Variants in CHCHD6 observed in about 807,000 individuals in gnomAD.
CHCHD6 encodes the protein MICOS complex subunit MIC25.
A neutral mutation model predicts 32.3 loss-of-function variants in CHCHD6; 28 were observed. That is an observed-to-expected ratio of 0.87 (90% CI 0.64 to 1.19). The LOEUF (loss-of-function observed/expected upper bound fraction) is 1.19. CHCHD6 is among the 50% of genes most tolerant of loss of function. The pLI is 0.00. For synonymous variants in CHCHD6, 122 were observed against 117.5 expected (o/e 1.04, Z -0.25); for missense variants, 333 against 307.0 (o/e 1.08, Z -0.63).
chr3:126,865,002 T>C (rs951209006), intron 5 of CHCHD6, among the ~76,000 whole-genome samples: 7 of 139,062 alleles, frequency 5.0e-5, no homozygotes, highest in Admixed American at 2.1e-4. Flanking sequence ...TCACCTTTTC[T>C]TCCTCCACCA....
chr3:126,860,498 T>C (rs922979149), intron 5 of CHCHD6, among the ~76,000 whole-genome samples: 1 of 152,010 alleles, frequency 6.6e-6, no homozygotes, highest in Non-Finnish European at 1.5e-5. Flanking sequence ...CTAACGTAAA[T>C]GATGAGTTAA....
At chr3:126,926,523 C>T (rs2078326718) in intron 6 of CHCHD6, among the ~76,000 whole-genome samples, 1 of 152,080 alleles carries the variant, frequency 6.6e-6, no homozygotes, top group Admixed American at 6.5e-5. Flanking sequence ...TGGACCAGGG[C>T]AGGCTGTGCA....
intron 4 of CHCHD6, among the ~76,000 whole-genome samples, chr3:126,750,501 T>C (rs1014941540): frequency 1.3e-5 from 2 of 152,140 alleles, no homozygotes; most frequent in African/African-American, 4.8e-5. Context: ...TGCTCCAGAG[T>C]TGGCGACTCC....
At chr3:126,745,878 TTG>T (rs1936479049) in intron 4 of CHCHD6, among the ~76,000 whole-genome samples, 1 of 152,238 alleles carries the variant, frequency 6.6e-6, no homozygotes, top group Admixed American at 6.5e-5. Context: ...GACCTTGGGC[TTG>T]TGAGGCTAAG....
At chr3:126,816,111 A>G (rs528015458) in intron 4 of CHCHD6, among the ~76,000 whole-genome samples, 1 of 151,542 alleles carries the variant, frequency 6.6e-6, no homozygotes, top group South Asian at 2.1e-4. Flanking sequence ...CCCCCTCTGC[A>G]TCTTCCTCCT....
chr3:126,767,263 C>G (rs1170700267), intron 4 of CHCHD6: 1 of 1,388,894 alleles, frequency 7.2e-7, no homozygotes, highest in Non-Finnish European at 1.0e-6. Context: ...TAGTGTCTGT[C>G]AGGTTGCCAA....
At chr3:126,753,263 C>T (rs142251251) in intron 4 of CHCHD6, among the ~76,000 whole-genome samples, 6 of 152,258 alleles carry the variant, frequency 3.9e-5, no homozygotes, top group African/African-American at 7.2e-5. Context: ...GGCAAGCAGC[C>T]GTTGCATGAA....
chr3:126,911,737 G>C (rs998809837), intron 5 of CHCHD6, among the ~76,000 whole-genome samples: 3 of 152,236 alleles, frequency 2.0e-5, no homozygotes, highest in Non-Finnish European at 4.4e-5. Flanking sequence ...ATTCACCGGG[G>C]CCAGGCTGTT....
intron 4 of CHCHD6, chr3:126,780,502 G>T: frequency 5.0e-6 from 1 of 200,860 alleles, no homozygotes; most frequent in Non-Finnish European, 1.0e-5. Flanking sequence ...AGTATTTTCT[G>T]TACTTTCTTT....
At chr3:126,957,687 A>G (rs1440205752) in intron 7 of CHCHD6, 136 bp downstream of exon 7, 1 of 1,106,462 alleles carries the variant, frequency 9.0e-7, no homozygotes, top group East Asian at 2.6e-5. Flanking sequence ...TGCATTTGCC[A>G]AGGGAGGGAT....
rs151331601 is a variant in CHCHD6, at chr3:126,821,443, G to T, written c.412-31204G>T. Among the ~76,000 whole-genome samples, 931 of 152,088 alleles carry T rather than the reference G, an allele frequency of 6.1e-3. 9 individuals are homozygous for T. The highest frequency in any genetic ancestry group is 0.021 in the African/African-American group (890 of 41,484). On this transcript the variant is annotated intron_variant, in intron 4 of 7. Transcript: ENST00000290913. ...CTCCCGAGTAGCTGGGATTACAGGT[G>T]CCCACCACCCCTGGCTAATTTTTTG...
rs148409894 is a variant in CHCHD6 at position 126,813,401 on chromosome 3, A to G, written c.412-39246A>G. ...AGGTACTTTGCTGTTTTAATAAAAT[A>G]TGAGATAAATGGTCACCTTACTTCA... is the stretch of plus-strand genomic sequence containing the variant. On this transcript the variant is annotated intron_variant, in intron 4 of 7. Coordinates refer to ENST00000290913, the MANE Select transcript of CHCHD6 (RefSeq NM_032343.3). Among the ~76,000 whole-genome samples, 86 of 152,354 alleles carry G rather than the reference A, an allele frequency of 5.6e-4. 1 individual carries two copies. Among genetic ancestry groups the G allele is most frequent in the African/African-American group, 2.0e-3 (85 of 41,572 alleles).
At chr3:126,826,693 A>G (rs1940408450) in intron 4 of CHCHD6, among the ~76,000 whole-genome samples, 1 of 152,106 alleles carries the variant, frequency 6.6e-6, no homozygotes, top group Non-Finnish European at 1.5e-5. Context: ...ATATATATCT[A>G]ATAATAAAAG....
intron 4 of CHCHD6, among the ~76,000 whole-genome samples, chr3:126,781,029 G>A (rs187708526): frequency 6.6e-6 from 1 of 152,188 alleles, no homozygotes; most frequent in African/African-American, 2.4e-5. Flanking sequence ...TGAGACCTGT[G>A]ACCATCTCAG....
At chr3:126,798,641 A>G (rs1938915571) in intron 4 of CHCHD6, among the ~76,000 whole-genome samples, 1 of 152,112 alleles carries the variant, frequency 6.6e-6, no homozygotes, top group Non-Finnish European at 1.5e-5. Context: ...CCCTCCTGTC[A>G]GCCTGTGGGC....
chr3:126,923,504 T>C (rs1207013036), intron 6 of CHCHD6, among the ~76,000 whole-genome samples: 3 of 152,124 alleles, frequency 2.0e-5, no homozygotes, highest in African/African-American at 7.2e-5. Flanking sequence ...AAATAAGTGG[T>C]TGACTGTTTA....
At chr3:126,799,629 G>A (rs915648702) in intron 4 of CHCHD6, among the ~76,000 whole-genome samples, 3 of 152,108 alleles carry the variant, frequency 2.0e-5, no homozygotes, top group African/African-American at 7.2e-5. Flanking sequence ...CCACATTCCT[G>A]GGTGTCTCTC....
intron 5 of CHCHD6, among the ~76,000 whole-genome samples, chr3:126,891,086 A>G (rs551011275): frequency 6.6e-6 from 1 of 152,310 alleles, no homozygotes; most frequent in East Asian, 1.9e-4. Context: ...GCAATAAACA[A>G]GACATTGTTT....
rs183100787 is a variant in CHCHD6, at chr3:126,752,135, G to A, written c.411+18913G>A. Among the ~76,000 whole-genome samples the A allele has an allele frequency of 1.3e-3, 201 of 152,310 alleles. 2 individuals are homozygous for A. The highest frequency in any genetic ancestry group is 0.01 in the Middle Eastern group (3 of 294). On this transcript the variant is annotated intron_variant, in intron 4 of 7. Coordinates refer to ENST00000290913, the MANE Select transcript of CHCHD6 (RefSeq NM_032343.3). ...CCACGCATATCCTGTGCTTCACTGGGGACAGGCTCTGGGTGCAGGAGCTGT... is the reference window on the plus strand; with the variant it reads ...CCACGCATATCCTGTGCTTCACTGGAGACAGGCTCTGGGTGCAGGAGCTGT...
Sources: allele counts gnomAD v4.1 joint callset (sites outside exome capture counted in the v4.1 genomes callset), GRCh38; gene constraint gnomAD v4.1.1; transcripts MANE v1.5; gene names NCBI Gene and HGNC (gene_info 2026-07-23, HGNC 2026-07-21).